The following YPEL1 variants were observed in gnomAD, a reference collection of about 807,000 sequenced individuals.
YPEL1 encodes the protein yippee like 1, also known as protein yippee-like 1.
In YPEL1, 7 loss-of-function variants were observed where a neutral mutation model predicts 17.3. That is an observed-to-expected ratio of 0.40 (90% confidence interval 0.23 to 0.76). The LOEUF is 0.76. YPEL1 is among the 30% of genes least tolerant of loss of function. The pLI, the probability that YPEL1 is intolerant of heterozygous loss-of-function variation, is 0.35. For synonymous variants in YPEL1, 59 were observed against 59.6 expected, an observed-to-expected ratio of 0.99 and a Z score of 0.05; for missense variants, 91 against 155.5, an observed-to-expected ratio of 0.59 and a Z score of 2.21.
chr22:21,728,238 T>G lies in YPEL1; in HGVS notation c.-165+7377A>C, dbSNP rs866129797. Among the ~76,000 whole-genome samples the G allele has an allele frequency of 5.3e-5, 8 of 152,248 alleles. No homozygotes were observed. In the South Asian group the frequency reaches 1.7e-3, roughly 32 times the overall value. ...ACCTCCGCTCCCACTCGGCCACCCC[T>G]TCCTTCCCCTCCTCTCCATGGAGGA... On this transcript the variant is annotated intron_variant, in intron 1 of 4. Coordinates refer to ENST00000339468, the MANE Select transcript of YPEL1 (RefSeq NM_013313.5).
At position 21,705,755 on chromosome 22, in the gene YPEL1, T is replaced by C. The variant is rs915771304; in HGVS notation, c.118-1873A>G. On this transcript the variant is annotated intron_variant, in intron 2 of 4. Coordinates refer to ENST00000339468, the MANE Select transcript of YPEL1 (RefSeq NM_013313.5). ...ACAAAAACGGGCTGAGGCAGGAGGATTGCTTGAGCTCAGGAGTTCGAGAGC... is the reference window on the plus strand; with the variant it reads ...ACAAAAACGGGCTGAGGCAGGAGGACTGCTTGAGCTCAGGAGTTCGAGAGC... Among the ~76,000 whole-genome samples the C allele has an allele frequency of 4.6e-5, 7 of 152,070 alleles. No individual in the cohort carries two copies. The South Asian group carries it at 6.2e-4, about 13-fold the overall frequency.
intron 2 of YPEL1, among the ~76,000 whole-genome samples, chr22:21,706,138 A>T (rs1217163390): frequency 1.3e-5 from 2 of 151,266 alleles, no homozygotes; most frequent in African/African-American, 4.9e-5. Context: ...CTCAAAAAAA[A>T]TTTTAAGAAA....
chr22:21,729,607 ATAAAT>A (rs1374919877), intron 1 of YPEL1, among the ~76,000 whole-genome samples: 1 of 152,174 alleles, frequency 6.6e-6, no homozygotes, highest in Admixed American at 6.6e-5. Context: ...TCTACAAATA[ATAAAT>A]TAAATTTAAA....
intron 1 of YPEL1, among the ~76,000 whole-genome samples, chr22:21,721,597 T>C (rs1348198977): frequency 6.6e-6 from 1 of 152,174 alleles, no homozygotes; most frequent in South Asian, 2.1e-4. Flanking sequence ...CTAATTTTTA[T>C]ATTTTTAGTA....
intron 1 of YPEL1, chr22:21,723,162 G>A (rs959407276): frequency 6.6e-6 from 1 of 152,242 alleles, no homozygotes; most frequent in South Asian, 2.1e-4. Context: ...TGGGACTACA[G>A]CAGTGAGTGG....
At chr22:21,708,177 C>T (rs546590395) in intron 2 of YPEL1, among the ~76,000 whole-genome samples, 10 of 152,080 alleles carry the variant, frequency 6.6e-5, no homozygotes, top group Admixed American at 5.9e-4. Context: ...TCACTCTAGT[C>T]GTCATCTTGC....
rs1339793056 is a variant in YPEL1 at position 21,704,145 on chromosome 22, C to T, written c.118-263G>A. 1.4e-5 allele frequency: 10 copies of T among 718,340 alleles called. No homozygotes were observed. The South Asian group carries it at 1.5e-4, about 11-fold the overall frequency. The allele number at this position is 718,340 out of a possible 1,614,324, so 44.5% of individuals were successfully genotyped here. A position where few individuals can be genotyped will look rare whatever the true frequency, so the allele number is the denominator to read the frequency against. On this transcript the variant is annotated intron_variant, in intron 2 of 4. Coordinates refer to ENST00000339468, the MANE Select transcript of YPEL1 (RefSeq NM_013313.5). ...AAGTGACTATTATTGGGAATCATGG[C>T]AAGATCAGTTTTTAAATGGTGAGCT...
chr22:21,706,240 C>T (rs1317607960), intron 2 of YPEL1, among the ~76,000 whole-genome samples: 3 of 150,946 alleles, frequency 2.0e-5, no homozygotes, highest in African/African-American at 7.3e-5. Flanking sequence ...ACCAGCCTGG[C>T]CAACATGGTG....
rs2068057737 is a variant in YPEL1, at chr22:21,700,783, G to C, written c.*346C>G. On this transcript the variant is annotated 3_prime_UTR_variant, in exon 5 of 5. Transcript: ENST00000339468. ...AGCCACCGCACCCGGCCCCAGTTTG[G>C]TTTTCAACTGAACCTTAAAAAAGCA... is the stretch of plus-strand genomic sequence containing the variant. 5.6e-6 allele frequency: 1 copy of C among 179,094 alleles called. No homozygotes were observed. The highest frequency in any genetic ancestry group is 2.4e-5 in the African/African-American group (1 of 42,160). The allele number at this position is 179,094 out of a possible 1,614,324, so 11.1% of individuals were successfully genotyped here.
intron 1 of YPEL1, among the ~76,000 whole-genome samples, chr22:21,726,656 A>G (rs909483844): frequency 1.3e-5 from 2 of 152,050 alleles, no homozygotes. Context: ...ACTGTTCTCT[A>G]TTTGCTCAAA....
At chr22:21,705,772 T>A (rs954078480) in intron 2 of YPEL1, among the ~76,000 whole-genome samples, 2 of 149,262 alleles carry the variant, frequency 1.3e-5, no homozygotes, top group Non-Finnish European at 3.0e-5. Flanking sequence ...AGCTCAGGAG[T>A]TCGAGAGCCA....
chr22:21,725,288 C>T (rs546970425), intron 1 of YPEL1, among the ~76,000 whole-genome samples: 32 of 150,256 alleles, frequency 2.1e-4, no homozygotes, highest in African/African-American at 6.1e-4. Flanking sequence ...GGTGCAATCT[C>T]GGCTCAATGC....
rs1343062789 is a variant in YPEL1 at position 21,703,092 on chromosome 22, G to A, written c.270+278C>T. On this transcript the variant is annotated intron_variant, in intron 4 of 4. Coordinates refer to ENST00000339468, the MANE Select transcript of YPEL1 (RefSeq NM_013313.5). The surrounding 1 kb of genome is among the most constrained non-coding windows in gnomAD (Gnocchi z 6.1). ...GGCTCTGCTCAGCGGGCCGAGGGCGGGCTGGGTGCAGAGAGCCTGGCTTAG... is the reference window on the plus strand; with the variant it reads ...GGCTCTGCTCAGCGGGCCGAGGGCGAGCTGGGTGCAGAGAGCCTGGCTTAG... 2.6e-5 allele frequency among the ~76,000 whole-genome samples: 4 copies of A among 152,094 alleles called. No individual in the cohort carries two copies. Among genetic ancestry groups the A allele is most frequent in the African/African-American group, 9.7e-5 (4 of 41,408 alleles).
At chr22:21,718,321 G>C (rs2068248112) in intron 1 of YPEL1, among the ~76,000 whole-genome samples, 2 of 151,644 alleles carry the variant, frequency 1.3e-5, no homozygotes, top group South Asian at 2.1e-4. Flanking sequence ...AAAAATTAGT[G>C]GGGCGTGGTG....
intron 2 of YPEL1, 150 bp from the exon 3 acceptor site, chr22:21,704,032 C>T: frequency 1.2e-6 from 1 of 838,878 alleles, no homozygotes; most frequent in South Asian, 1.4e-5. Context: ...CTCCAGAACT[C>T]CACTTCTAAT....
intron 1 of YPEL1, among the ~76,000 whole-genome samples, chr22:21,719,883 G>T (rs1045796306): frequency 6.7e-6 from 1 of 148,684 alleles, no homozygotes; most frequent in Non-Finnish European, 1.5e-5. Flanking sequence ...AAATTACAGC[G>T]CACCTGTAAT....
chr22:21,718,468 A>G (rs994655063), intron 1 of YPEL1, among the ~76,000 whole-genome samples: 1 of 151,814 alleles, frequency 6.6e-6, no homozygotes, highest in Admixed American at 6.5e-5. Context: ...CCATCAAAAA[A>G]AAATAATAAT....
chr22:21,719,985 G>A (rs1333928354), intron 1 of YPEL1, among the ~76,000 whole-genome samples: 3 of 147,226 alleles, frequency 2.0e-5, no homozygotes, highest in South Asian at 2.1e-4. Flanking sequence ...GCACTCCAGC[G>A]TGGGTGACAG....
rs1601644393 is a variant in YPEL1 at position 21,729,941 on chromosome 22, A to G, written c.-165+5674T>C. Among the ~76,000 whole-genome samples, 7 of 152,228 alleles carry G rather than the reference A, an allele frequency of 4.6e-5. No homozygotes were observed. The South Asian group carries it at 1.5e-3, about 32-fold the overall frequency. On this transcript the variant is annotated intron_variant, in intron 1 of 4. Coordinates refer to ENST00000339468, the MANE Select transcript of YPEL1 (RefSeq NM_013313.5). Reference sequence around the variant, plus strand: ...GATGGGCAGATCACCTGAGGTCTGGAGATCGAGACCAGCCTGGCCAACCAA... The same window carrying G: ...GATGGGCAGATCACCTGAGGTCTGGGGATCGAGACCAGCCTGGCCAACCAA...
Sources: allele counts gnomAD v4.1 joint callset (sites outside exome capture counted in the v4.1 genomes callset), GRCh38; gene constraint gnomAD v4.1.1; non-coding constraint Gnocchi (gnomAD v3.1); transcripts MANE v1.5; gene names NCBI Gene and HGNC (gene_info 2026-07-23, HGNC 2026-07-21).